The following KLHL32 variants were observed in gnomAD, a reference collection of about 807,000 sequenced individuals.
The protein encoded by KLHL32 is kelch like family member 32, also known as kelch-like protein 32.
A neutral mutation model predicts 64.8 loss-of-function variants in KLHL32; 35 were observed. The ratio of observed to expected loss-of-function variants is 0.54; its 90% CI spans 0.41 to 0.72. The LOEUF is 0.72. Among genes scored for constraint, KLHL32 ranks in the 30% least tolerant of loss-of-function variants. KLHL32 has a pLI of 0.00. For synonymous variants in KLHL32, 259 were observed against 281.0 expected (o/e 0.92, Z 0.78); for missense variants, 589 against 768.5 (o/e 0.77, Z 2.76).
chr6:97,130,834 T>A lies in KLHL32; in HGVS notation c.1491T>A (p.Tyr497Ter). ...TGGCTGCTGTACAAAGGAAGCTTTA[T>A]GTTCTTGGAGGCAATGACCTAGACT... Reference protein sequence around the residue: ...HSMAAVQRKLYVLGGNDLDYN... With the variant: ...HSMAAVQRKL The change falls in exon 9 of 11, where the codon TAT (tyrosine) becomes TAA (stop). Residue 497 changes from tyrosine to a stop codon, truncating the protein, a stop_gained. Coordinates refer to ENST00000369261, the MANE Select transcript of KLHL32 (RefSeq NM_052904.4). LOFTEE classifies it high-confidence loss of function. 1 of 1,614,150 alleles carries A rather than the reference T, an allele frequency of 6.2e-7. No individual in the cohort carries two copies. The highest frequency in any genetic ancestry group is 8.5e-7 in the Non-Finnish European group (1 of 1,179,996).
chr6:96,919,366 G>A, the KLHL32 span, among the ~76,000 whole-genome samples: 2 of 152,222 alleles, frequency 1.3e-5, no homozygotes, highest in Middle Eastern at 3.4e-3. Context: ...TAAAGAGAAC[G>A]GGAAAGGGTC....
chr6:97,111,040 G>A (rs942740570), intron 6 of KLHL32, among the ~76,000 whole-genome samples: 5 of 152,170 alleles, frequency 3.3e-5, no homozygotes, highest in South Asian at 2.1e-4. Flanking sequence ...TGGGGGGGGG[G>A]GGTCTTAGCC....
At chr6:97,058,819 G>T (rs1461330874) in intron 4 of KLHL32, among the ~76,000 whole-genome samples, 1 of 150,704 alleles carries the variant, frequency 6.6e-6, no homozygotes, top group Non-Finnish European at 1.5e-5. Flanking sequence ...GAAAATACAA[G>T]GAGGCTGGTT....
At chr6:97,001,687 A>G (rs1261645378) in intron 3 of KLHL32, among the ~76,000 whole-genome samples, 2 of 152,164 alleles carry the variant, frequency 1.3e-5, no homozygotes, top group African/African-American at 4.8e-5. Context: ...CCAATACTGA[A>G]CTATTAGGTT....
At chr6:97,079,792 G>A (rs1415469063) in intron 5 of KLHL32, among the ~76,000 whole-genome samples, 1 of 151,896 alleles carries the variant, frequency 6.6e-6, no homozygotes, top group Non-Finnish European at 1.5e-5. Context: ...GAACAACAAT[G>A]TATGCACCAT....
At chr6:96,913,358 G>A in the KLHL32 span, among the ~76,000 whole-genome samples, 2 of 152,122 alleles carry the variant, frequency 1.3e-5, no homozygotes, top group Non-Finnish European at 2.9e-5. Flanking sequence ...TCTTTGAAAC[G>A]TAATGTAGGT....
intron 3 of KLHL32, among the ~76,000 whole-genome samples, chr6:96,984,620 C>T (rs1417667357): frequency 6.6e-6 from 1 of 152,192 alleles, no homozygotes; most frequent in East Asian, 1.9e-4. Context: ...GATCCCTTTA[C>T]CATTAAGTAA....
At chr6:96,943,994 G>A (rs1389825809) in intron 1 of KLHL32, among the ~76,000 whole-genome samples, 1 of 152,068 alleles carries the variant, frequency 6.6e-6, no homozygotes, top group African/African-American at 2.4e-5. Flanking sequence ...TCAACCTGTG[G>A]TCTCATTTTT....
rs535518486 is a variant in KLHL32 at position 97,043,609 on chromosome 6, T to C, written c.312+2010T>C. 4.3e-4 allele frequency among the ~76,000 whole-genome samples: 65 copies of C among 152,264 alleles called. 1 individual carries two copies. In the South Asian group the frequency reaches 0.013, roughly 30 times the overall value. Reference sequence around the variant, plus strand: ...TGGAATTGCTGGTTCATATGGTAATTTTATTTTTACTTTTTTGAAGAACCT... The same window carrying C: ...TGGAATTGCTGGTTCATATGGTAATCTTATTTTTACTTTTTTGAAGAACCT... On this transcript the variant is annotated intron_variant, in intron 4 of 10. Coordinates refer to ENST00000369261, the MANE Select transcript of KLHL32 (RefSeq NM_052904.4).
At chr6:96,924,578 A>G (rs1582343773), upstream of KLHL32, 3 of 133,896 alleles carry the variant, frequency 2.2e-5, no homozygotes, top group African/African-American at 8.7e-5. Context: ...AGGGGGAGGG[A>G]GCGCGCGGGC....
intron 2 of KLHL32, among the ~76,000 whole-genome samples, chr6:96,969,537 GC>G (rs1295955874): frequency 6.6e-6 from 1 of 152,058 alleles, no homozygotes; most frequent in Non-Finnish European, 1.5e-5. Context: ...ATATTTCCAT[GC>G]CTACGTTGTC....
intron 1 of KLHL32, among the ~76,000 whole-genome samples, chr6:96,964,329 C>T (rs1201017267): frequency 6.6e-6 from 1 of 152,186 alleles, no homozygotes; most frequent in Non-Finnish European, 1.5e-5. Flanking sequence ...ATGTTGTTCA[C>T]TCTATTTATG....
intron 3 of KLHL32, among the ~76,000 whole-genome samples, chr6:96,977,155 AG>A (rs1240950971): frequency 6.6e-6 from 1 of 152,260 alleles, no homozygotes; most frequent in Non-Finnish European, 1.5e-5. Context: ...TGGTGAGCAA[AG>A]GATTTTATAT....
intron 3 of KLHL32, among the ~76,000 whole-genome samples, chr6:96,987,019 C>T (rs1197456513): frequency 2.0e-5 from 3 of 152,166 alleles, no homozygotes; most frequent in South Asian, 4.1e-4. Context: ...GGCTCCACCC[C>T]CCAGTAGTTT....
chr6:96,977,537 T>A (rs762896142), intron 3 of KLHL32, among the ~76,000 whole-genome samples: 1 of 146,970 alleles, frequency 6.8e-6, no homozygotes, highest in Non-Finnish European at 1.5e-5. Context: ...TGAATCTCCA[T>A]ATAAATGGGA....
chr6:96,934,825 C>T (rs954576840), intron 1 of KLHL32, among the ~76,000 whole-genome samples: 2 of 152,142 alleles, frequency 1.3e-5, no homozygotes, highest in Non-Finnish European at 2.9e-5. Context: ...TGGAGAATGC[C>T]ATTTCCACTG....
Position 97,041,945 on chromosome 6 carries a change from C to T in KLHL32, c.312+346C>T, listed in dbSNP as rs528856251. ...GGTGACTCAATCATGGCTTTATTGC[C>T]TTAAAAACAAGACAAAAAATTTAGA... On this transcript the variant is annotated intron_variant, in intron 4 of 10. Coordinates refer to ENST00000369261, the MANE Select transcript of KLHL32 (RefSeq NM_052904.4). 2.6e-5 allele frequency among the ~76,000 whole-genome samples: 4 copies of T among 152,234 alleles called. No individual in the cohort carries two copies. The East Asian group carries it at 7.7e-4, about 29-fold the overall frequency.
chr6:96,931,230 C>T (rs1769842252), intron 1 of KLHL32, among the ~76,000 whole-genome samples: 1 of 152,162 alleles, frequency 6.6e-6, no homozygotes, highest in Non-Finnish European at 1.5e-5. Flanking sequence ...CTCTGCACCA[C>T]GACCTCACTC....
At chr6:96,915,084 CTGACT>C in the KLHL32 span, 1 of 152,182 alleles carries the variant, frequency 6.6e-6, no homozygotes, top group Non-Finnish European at 1.5e-5. Context: ...CTTGTGCCTC[CTGACT>C]TAAGTACGAA....
Sources: gnomAD v4.1 joint callset for allele counts (sites outside exome capture counted in the v4.1 genomes callset) on GRCh38, gnomAD v4.1.1 for gene constraint, MANE v1.5 for transcripts, NCBI Gene and HGNC (gene_info 2026-07-23, HGNC 2026-07-21) for gene names.